Variants in CGB8 observed in about 807,000 individuals in gnomAD.
The protein encoded by CGB8 is chorionic gonadotropin, beta polypeptide 8.
In CGB8, 2 loss-of-function variants were observed where a neutral mutation model predicts 7.6. That is an observed-to-expected ratio of 0.26 (90% CI 0.11 to 0.83). CGB8 has a LOEUF of 0.83. Among genes scored for constraint, CGB8 ranks in the 40% least tolerant of loss-of-function variants. The pLI is 0.65. For synonymous variants in CGB8, 8 were observed against 91.5 expected, an observed-to-expected ratio of 0.09 and a Z score of 5.21; for missense variants, 16 against 208.2, an observed-to-expected ratio of 0.08 and a Z score of 5.68.
rs566468475 is a variant in CGB8 at position 49,048,632 on chromosome 19, G to T, written c.15+93C>A. ...GGGGGTCACGCTCCTCCAGAAAGAG[G>T]CCTCCTTCCACAGCTCACACTGGTC... On this transcript the variant is annotated intron_variant, in intron 1 of 2. Transcript: ENST00000448456. 9.1e-5 allele frequency: 146 copies of T among 1,608,836 alleles called. No individual in the cohort carries two copies. The African/African-American group carries it at 1.8e-3, about 20-fold the overall frequency.
Position 49,048,809 on chromosome 19 carries a change from G to A in CGB8, c.-70C>T. On this transcript the variant is annotated 5_prime_UTR_variant, in exon 1 of 3. Transcript: ENST00000448456. Reference sequence around the variant, plus strand: ...GGTTGTGGGGGCGGCAAGGCCACCAGGAGGTTGTAGGATGCTGGAGTGAGC... The same window carrying A: ...GGTTGTGGGGGCGGCAAGGCCACCAAGAGGTTGTAGGATGCTGGAGTGAGC... 2 of 1,612,320 alleles carry A rather than the reference G, an allele frequency of 1.2e-6. No homozygotes were observed.
In CGB8 at chr19:49,047,646, G is replaced by C. The variant is rs2039952381; in HGVS notation, c.*9C>G. On this transcript the variant is annotated 3_prime_UTR_variant, in exon 3 of 3. Transcript: ENST00000448456. ...GAAAGACACCTCCAGAGTGCGGATT[G>C]AGAAGCCTTTATTGTGGGAGGATCG... 1 of 1,608,642 alleles carries C rather than the reference G, an allele frequency of 6.2e-7. No individual in the cohort carries two copies. The highest frequency in any genetic ancestry group is 1.1e-5 in the South Asian group (1 of 90,454).
rs2039963944 is a variant in CGB8 at position 49,048,741 on chromosome 19, C to T, written c.-2G>A. ...CAGTCTTACCTGGAACATCTCCATC[C>T]TTGGTGTGTCCCCTGCCTCGTGTAC... On this transcript the variant is annotated 5_prime_UTR_variant, in exon 1 of 3. Transcript: ENST00000448456. 4 of 1,613,190 alleles carry T rather than the reference C, an allele frequency of 2.5e-6. No individual in the cohort carries two copies. The South Asian group carries it at 3.3e-5, about 13-fold the overall frequency.
Position 49,048,860 on chromosome 19 carries a change from G to A in CGB8, c.-121C>T. On this transcript the variant is annotated 5_prime_UTR_variant, in exon 1 of 3. Coordinates refer to ENST00000448456, the MANE Select transcript of CGB8 (RefSeq NM_033183.3). Reference sequence around the variant, plus strand: ...TCGACACTAACCCTTCGGGGGGCAAGAGGTAGACAAGGCCAGGGGGGCGCA... The same window carrying A: ...TCGACACTAACCCTTCGGGGGGCAAAAGGTAGACAAGGCCAGGGGGGCGCA... 1.9e-6 allele frequency: 3 copies of A among 1,578,060 alleles called. No homozygotes were observed. Among genetic ancestry groups the A allele is most frequent in the Non-Finnish European group, 2.6e-6 (3 of 1,152,590 alleles).
intron 1 of CGB8, 149 bp from the exon 2 acceptor site, chr19:49,048,521 A>G (rs1413141373): frequency 2.1e-5 from 32 of 1,557,964 alleles, no homozygotes. Flanking sequence ...CCTGCCTTTC[A>G]GAGCCCACCC....
At position 49,048,651 on chromosome 19, in the gene CGB8, A is replaced by G. The variant is rs72556337; in HGVS notation, c.15+74T>C. 12,827 of 1,611,654 alleles carry G rather than the reference A, an allele frequency of 8.0e-3. 75 individuals are homozygous for G. Among genetic ancestry groups the G allele is most frequent in the Non-Finnish European group, 1.0e-2 (11,782 of 1,179,654 alleles). ...AAAGAGGCCTCCTTCCACAGCTCAC[A>G]CTGGTCTGCCCCTTCTCATGCCAGT... On this transcript the variant is annotated intron_variant, in intron 1 of 2. Transcript: ENST00000448456.
chr19:49,047,687 C>A lies in CGB8; in HGVS notation c.466G>T (p.Gly156Trp), dbSNP rs1386432763. Residue 156 changes from glycine (G) to tryptophan (W), a missense_variant, in exon 3 of 3, where the codon GGG (glycine) becomes TGG (tryptophan). Coordinates refer to ENST00000448456, the MANE Select transcript of CGB8 (RefSeq NM_033183.3). ...PSLPSPSRLP[G>W]PSDTPILPQ ...GGGAGGATCGGGGTGTCCGAGGGCC[C>A]CGGGAGTCGGGATGGACTTGGAAGG... The A allele has an allele frequency of 6.2e-7, 1 of 1,609,298 alleles. No individual in the cohort carries two copies. Among genetic ancestry groups the A allele is most frequent in the East Asian group, 2.2e-5 (1 of 44,864 alleles).
rs2387591 is a variant in CGB8, at chr19:49,048,586, A to G, written c.15+139T>C. 4.4e-6 allele frequency: 7 copies of G among 1,598,176 alleles called. No individual in the cohort carries two copies. In the African/African-American group the frequency reaches 9.8e-5, roughly 22 times the overall value. On this transcript the variant is annotated intron_variant, in intron 1 of 2. Transcript: ENST00000448456. ...CATTTCAGATCCCCACCTTCAGGAA[A>G]TGCCCCACCTGAAGCTTACTGGGGG...
rs1486620019 is a variant in CGB8 at position 49,048,747 on chromosome 19, G to A, written c.-8C>T. ...TACCTGGAACATCTCCATCCTTGGT[G>A]TGTCCCCTGCCTCGTGTACCTGGCT... On this transcript the variant is annotated 5_prime_UTR_variant, in exon 1 of 3. Coordinates refer to ENST00000448456, the MANE Select transcript of CGB8 (RefSeq NM_033183.3). 6.2e-7 allele frequency: 1 copy of A among 1,613,120 alleles called. No individual in the cohort carries two copies. The highest frequency in any genetic ancestry group is 2.2e-5 in the East Asian group (1 of 44,886).
chr19:49,048,427 C>A, intron 1 of CGB8, 55 bp from the exon 2 acceptor site: 3 of 1,600,400 alleles, frequency 1.9e-6, no homozygotes, highest in Non-Finnish European at 2.5e-6. Context: ...CGAGTCCTGG[C>A]CTTCCCATCC....
rs2039964815 is a variant in CGB8, at chr19:49,048,797, G to A, written c.-58C>T. On this transcript the variant is annotated 5_prime_UTR_variant, in exon 1 of 3. Coordinates refer to ENST00000448456, the MANE Select transcript of CGB8 (RefSeq NM_033183.3). Reference sequence around the variant, plus strand: ...TTTAAACCTCGGGGTTGTGGGGGCGGCAAGGCCACCAGGAGGTTGTAGGAT... The same window carrying A: ...TTTAAACCTCGGGGTTGTGGGGGCGACAAGGCCACCAGGAGGTTGTAGGAT... The A allele has an allele frequency of 1.9e-6, 3 of 1,612,572 alleles. No individual in the cohort carries two copies. Among genetic ancestry groups the A allele is most frequent in the South Asian group, 2.2e-5 (2 of 91,048 alleles).
In CGB8 at chr19:49,048,712, C is replaced by T. The variant is rs371308265; in HGVS notation, c.15+13G>A. Reference sequence around the variant, plus strand: ...AAGGAGGTGGAAGGTGCCCAGGGGCCCTGCAGTCTTACCTGGAACATCTCC... The same window carrying T: ...AAGGAGGTGGAAGGTGCCCAGGGGCTCTGCAGTCTTACCTGGAACATCTCC... On this transcript the variant is annotated intron_variant, in intron 1 of 2. Transcript: ENST00000448456. 5 of 1,612,860 alleles carry T rather than the reference C, an allele frequency of 3.1e-6. No individual in the cohort carries two copies. The African/African-American group carries it at 6.7e-5, about 22-fold the overall frequency.
intron 1 of CGB8, 108 bp downstream of exon 1, chr19:49,048,617 C>A (rs1228875399): frequency 1.9e-6 from 3 of 1,607,346 alleles, no homozygotes; most frequent in Non-Finnish European, 1.7e-6. Context: ...GGGGGTCACG[C>A]TCCTCCAGAA....
rs1289770844 is a variant in CGB8 at position 49,049,083 on chromosome 19, G to T, written c.-344C>A. On this transcript the variant is annotated 5_prime_UTR_variant, in exon 1 of 3. Coordinates refer to ENST00000448456, the MANE Select transcript of CGB8 (RefSeq NM_033183.3). ...GGGTCCTGGGAGCCAGGAGGAGGCC[G>T]TGACCCGAGAAAGGTGCTGGACTGA... The T allele has an allele frequency of 8.3e-7, 1 of 1,209,894 alleles. No homozygotes were observed. Among genetic ancestry groups the T allele is most frequent in the Non-Finnish European group, 1.0e-6 (1 of 958,690 alleles). 74.9% of individuals were successfully genotyped at this position (1,209,894 alleles called of 1,614,324 possible).
In CGB8 at chr19:49,048,887, G is replaced by A. The variant is rs1600233610; in HGVS notation, c.-148C>T. 4.9e-6 allele frequency: 7 copies of A among 1,424,236 alleles called. No homozygotes were observed. Among genetic ancestry groups the A allele is most frequent in the African/African-American group, 2.9e-5 (2 of 69,136 alleles). The allele number at this position is 1,424,236 out of a possible 1,614,324, so 88.2% of individuals were successfully genotyped here. A position where few individuals can be genotyped will look rare whatever the true frequency, so the allele number is the denominator to read the frequency against. On this transcript the variant is annotated 5_prime_UTR_variant, in exon 1 of 3. Coordinates refer to ENST00000448456, the MANE Select transcript of CGB8 (RefSeq NM_033183.3). ...GGTAGACAAGGCCAGGGGGGCGCAG[G>A]AGTGGCTCAGCGGAGCGCCCCAGCC...
chr19:49,049,014 G>A lies in CGB8; in HGVS notation c.-275C>T, dbSNP rs1468554974. 120 of 1,346,336 alleles carry A rather than the reference G, an allele frequency of 8.9e-5. No individual in the cohort carries two copies. The highest frequency in any genetic ancestry group is 1.1e-4 in the Non-Finnish European group (119 of 1,036,024). 83.4% of individuals were successfully genotyped at this position (1,346,336 alleles called of 1,614,324 possible). ...TGCTAGGGACTAGTCGAGCCTGGAG[G>A]CACAGGGAGTAGGGTGTAGGAAGGC... On this transcript the variant is annotated 5_prime_UTR_variant, in exon 1 of 3. Transcript: ENST00000448456.
chr19:49,048,645 G>T (rs2039962720), intron 1 of CGB8, 80 bp downstream of exon 1: 3 of 1,611,462 alleles, frequency 1.9e-6, no homozygotes, highest in African/African-American at 1.3e-5. Context: ...TCCTTCCACA[G>T]CTCACACTGG....
At position 49,047,642 on chromosome 19, in the gene CGB8, G is replaced by C. The variant is rs1373899318; in HGVS notation, c.*13C>G. ...CACAGAAAGACACCTCCAGAGTGCG[G>C]ATTGAGAAGCCTTTATTGTGGGAGG... is the stretch of plus-strand genomic sequence containing the variant. On this transcript the variant is annotated 3_prime_UTR_variant, in exon 3 of 3. Coordinates refer to ENST00000448456, the MANE Select transcript of CGB8 (RefSeq NM_033183.3). 6.2e-7 allele frequency: 1 copy of C among 1,607,852 alleles called. No homozygotes were observed. The highest frequency in any genetic ancestry group is 1.3e-5 in the African/African-American group (1 of 74,434).
At position 49,048,920 on chromosome 19, in the gene CGB8, C is replaced by T. The variant is rs2039966354; in HGVS notation, c.-181G>A. 1 of 1,304,494 alleles carries T rather than the reference C, an allele frequency of 7.7e-7. No homozygotes were observed. 80.8% of individuals were successfully genotyped at this position (1,304,494 alleles called of 1,614,324 possible). A position where few individuals can be genotyped will look rare whatever the true frequency, so the allele number is the denominator to read the frequency against. ...CAGCGGAGCGCCCCAGCCCTCTCCT[C>T]TCACTGGTCCAGCGCCAAGGGTGAG... is the stretch of plus-strand genomic sequence containing the variant. On this transcript the variant is annotated 5_prime_UTR_variant, in exon 1 of 3. Coordinates refer to ENST00000448456, the MANE Select transcript of CGB8 (RefSeq NM_033183.3).
Sources: gnomAD v4.1 joint callset for allele counts on GRCh38, gnomAD v4.1.1 for gene constraint, MANE v1.5 for transcripts, NCBI Gene and HGNC (gene_info 2026-07-23, HGNC 2026-07-21) for gene names.